NUP85: variants seen among roughly 807,000 people sequenced by gnomAD.
NUP85 encodes the protein nucleoporin 85, also known as nuclear pore complex protein Nup85.
Under a neutral mutation model 92.8 loss-of-function variants are expected in NUP85, and 23 were observed. The observed-to-expected ratio is 0.25, with a 90% CI of 0.18 to 0.35. The LOEUF (loss-of-function observed/expected upper bound fraction) is 0.35, where lower values mean the gene tolerates loss of function less well. NUP85 is among the 10% of genes least tolerant of loss of function. The pLI is 1.00. For synonymous variants in NUP85, 314 were observed against 306.9 expected (o/e 1.02, Z -0.24); for missense variants, 759 against 822.8 (o/e 0.92, Z 0.95).
intron 1 of NUP85, among the ~76,000 whole-genome samples, chr17:75,206,501 G>T (rs780915404): frequency 2.0e-5 from 3 of 151,886 alleles, no homozygotes; most frequent in Non-Finnish European, 2.9e-5. Flanking sequence ...AGATGGTTTT[G>T]GGAACATCAC....
chr17:75,210,504 G>T (rs1466573191), intron 3 of NUP85, among the ~76,000 whole-genome samples: 1 of 152,180 alleles, frequency 6.6e-6, no homozygotes, highest in Non-Finnish European at 1.5e-5. Flanking sequence ...AATCTCCGTG[G>T]TTGGATCTTA....
chr17:75,216,046 G>A (rs2075421897), intron 6 of NUP85, among the ~76,000 whole-genome samples: 1 of 152,168 alleles, frequency 6.6e-6, no homozygotes, highest in Non-Finnish European at 1.5e-5. Flanking sequence ...CCTAAACCCT[G>A]ACAAGTACTG....
At chr17:75,235,265 G>T (rs771483327) in intron 18 of NUP85, 64 bp downstream of exon 18, 3 of 1,222,960 alleles carry the variant, frequency 2.5e-6, no homozygotes, top group Non-Finnish European at 3.5e-6. Context: ...TCTATCTCAG[G>T]CTTCCCCTTC....
intron 14 of NUP85, chr17:75,232,202 G>A (rs2076089738): frequency 1.8e-6 from 1 of 559,084 alleles, no homozygotes; most frequent in Non-Finnish European, 3.2e-6. Flanking sequence ...CACGCCATCT[G>A]GAAAGGCCTG....
intron 11 of NUP85, chr17:75,226,825 C>T (rs1214268228): frequency 4.6e-6 from 2 of 433,418 alleles, no homozygotes; most frequent in Admixed American, 5.0e-5. Context: ...TGTTTCTTGG[C>T]ACCTAATGGA....
At chr17:75,222,492 G>C (rs1030832876) in intron 7 of NUP85, among the ~76,000 whole-genome samples, 1 of 112,512 alleles carries the variant, frequency 8.9e-6, no homozygotes, top group African/African-American at 3.4e-5. Context: ...TTATATATTT[G>C]TGATTTTTTT....
rs779241237 is a variant in NUP85, at chr17:75,234,740, C to T, written c.1719C>T (p.Phe573=). ...LMTSRIAPRS[F]WMTLLTDALP... ...CGTCTCGGATTGCCCCTCGGTCTTT[C>T]TGGATGACTCTGCTGACAGACGCCT... The change falls in exon 17 of 19, where the codon TTC becomes TTT. Residue 573 remains phenylalanine (F), a synonymous_variant. Coordinates refer to ENST00000245544, the MANE Select transcript of NUP85 (RefSeq NM_024844.5). 1.2e-6 allele frequency: 2 copies of T among 1,614,200 alleles called. No homozygotes were observed. The highest frequency in any genetic ancestry group is 1.7e-6 in the Non-Finnish European group (2 of 1,180,042).
chr17:75,229,090 TC>T (rs2075940314), intron 11 of NUP85: 1 of 985,496 alleles, frequency 1.0e-6, no homozygotes, highest in African/African-American at 1.7e-5. Context: ...GTCGGCAGTT[TC>T]CTGGTGCCCT....
chr17:75,208,302 G>C, intron 1 of NUP85: 1 of 424,206 alleles, frequency 2.4e-6, no homozygotes, highest in South Asian at 4.8e-5. Flanking sequence ...AAAAATAGCC[G>C]GGTGTGGTTG....
chr17:75,232,872 T>C lies in NUP85; in HGVS notation c.1418T>C (p.Leu473Ser), dbSNP rs2145420063. ...TEQVRSICKI[L>S]AMKAVRNNRL... ...AAAGTTCGCAGCATTTGTAAGATCTTAGCCATGAAAGCCGTCCGCAACAAT... is the reference window on the plus strand; with the variant it reads ...AAAGTTCGCAGCATTTGTAAGATCTCAGCCATGAAAGCCGTCCGCAACAAT... Residue 473 changes from leucine (L) to serine (S), a missense_variant, in exon 15 of 19, where the codon TTA becomes TCA. Leu to Ser is a moderately radical substitution (Grantham distance 145). Coordinates refer to ENST00000245544, the MANE Select transcript of NUP85 (RefSeq NM_024844.5). 1 of 1,614,192 alleles carries C rather than the reference T, an allele frequency of 6.2e-7. No homozygotes were observed. The highest frequency in any genetic ancestry group is 8.5e-7 in the Non-Finnish European group (1 of 1,180,024).
chr17:75,212,607 G>A (rs759297477), intron 4 of NUP85, among the ~76,000 whole-genome samples: 4 of 151,490 alleles, frequency 2.6e-5, no homozygotes, highest in Non-Finnish European at 4.4e-5. Flanking sequence ...CAAGTAGTTG[G>A]GACTGCAGGT....
rs373981140 is a variant in NUP85 at position 75,231,688 on chromosome 17, G to A, written c.1244+50G>A. 159 of 1,606,706 alleles carry A rather than the reference G, an allele frequency of 9.9e-5. No individual in the cohort carries two copies. The African/African-American group carries it at 1.0e-3, about 10-fold the overall frequency. The stretch of plus-strand genomic sequence containing the variant: ...GCTATGCGGGTGCTCTTCAGCATGC[G>A]GGTGCCATTGGAGCTTGGACTGTTC... On this transcript the variant is annotated intron_variant, in intron 13 of 18. Coordinates refer to ENST00000245544, the MANE Select transcript of NUP85 (RefSeq NM_024844.5). The surrounding 1 kb of genome is among the most constrained non-coding windows in gnomAD (Gnocchi z 4.6).
intron 7 of NUP85, 25 bp from the exon 8 acceptor site, chr17:75,225,078 C>T: frequency 1.3e-6 from 2 of 1,522,068 alleles, no homozygotes; most frequent in Non-Finnish European, 1.8e-6. Flanking sequence ...CCTGCCAATG[C>T]TTATGGGCCC....
rs532925544 is a variant in NUP85, at chr17:75,218,779, T to C, written c.597+473T>C. Among the ~76,000 whole-genome samples the C allele has an allele frequency of 2.6e-5, 4 of 152,006 alleles. No individual in the cohort carries two copies. In the East Asian group the frequency reaches 7.7e-4, roughly 29 times the overall value. On this transcript the variant is annotated intron_variant, in intron 7 of 18. Transcript: ENST00000245544. ...AAATAAAAATATAAAAGAGAAAAGA[T>C]AGTCCGACTCTGTTCCCCAGGCTGT...
At position 75,235,137 on chromosome 17, in the gene NUP85, G is replaced by A. The variant is rs746799719; in HGVS notation, c.1805G>A (p.Arg602Gln). 13 of 1,613,984 alleles carry A rather than the reference G, an allele frequency of 8.1e-6. No homozygotes were observed. Among genetic ancestry groups the A allele is most frequent in the South Asian group, 5.5e-5 (5 of 91,086 alleles). ...GCAGAACAGACTTATGAGTTGATGC[G>A]GTGTCTGGAGGACTTGACGTCAAGA... is the stretch of plus-strand genomic sequence containing the variant. ...FSAEQTYELM[R>Q]CLEDLTSRRP... The change falls in exon 18 of 19, where the codon CGG (arginine) becomes CAG (glutamine). Residue 602 changes from arginine to glutamine, a missense_variant. Arg to Gln is a conservative substitution (Grantham distance 43, BLOSUM62 1). Transcript: ENST00000245544.
At chr17:75,226,639 TC>T in intron 11 of NUP85, 1 of 367,090 alleles carries the variant, frequency 2.7e-6, no homozygotes, top group East Asian at 7.8e-5. Context: ...TAGCATCTGC[TC>T]CCCTGCTTGA....
At position 75,235,687 on chromosome 17, in the gene NUP85, T is replaced by C. The variant is rs1399531126; in HGVS notation, c.*8T>C. The C allele has an allele frequency of 2.5e-6, 4 of 1,581,856 alleles. No individual in the cohort carries two copies. Among genetic ancestry groups the C allele is most frequent in the Non-Finnish European group, 3.5e-6 (4 of 1,151,240 alleles). On this transcript the variant is annotated 3_prime_UTR_variant, in exon 19 of 19. Coordinates refer to ENST00000245544, the MANE Select transcript of NUP85 (RefSeq NM_024844.5). ...TCACTGGAAGGTTCCTGAGAACTGC[T>C]TCAATGTGGTATCTTTGTATGGCAA...
In NUP85 at chr17:75,231,226, C is replaced by A; in HGVS notation, c.1095-114C>A. On this transcript the variant is annotated intron_variant, in intron 11 of 18. Transcript: ENST00000245544. This position sits in a 1 kb window ranked among gnomAD's most constrained non-coding sequence, Gnocchi z 4.6. ...TCACGGGCATGAGCTATCATCACGC[C>A]CGGCCCCATCTCTTTGAGGGACAGG... 1.0e-6 allele frequency: 1 copy of A among 988,994 alleles called. No individual in the cohort carries two copies. The highest frequency in any genetic ancestry group is 1.6e-6 in the Non-Finnish European group (1 of 631,852). 61.3% of individuals were successfully genotyped at this position (988,994 alleles called of 1,614,324 possible).
At chr17:75,234,523 G>C in intron 16 of NUP85, 114 bp from the exon 17 acceptor site, 1 of 974,052 alleles carries the variant, frequency 1.0e-6, no homozygotes, top group Non-Finnish European at 1.6e-6. Flanking sequence ...GCTTTGTGGA[G>C]TGGCTGGTCT....
Sources: gnomAD v4.1 joint callset for allele counts (sites outside exome capture counted in the v4.1 genomes callset) on GRCh38, gnomAD v4.1.1 for gene constraint, Gnocchi (gnomAD v3.1) non-coding constraint, MANE v1.5 for transcripts, NCBI Gene and HGNC (gene_info 2026-07-23, HGNC 2026-07-21) for gene names.